The following GPHN variants were observed in gnomAD, a reference collection of about 807,000 sequenced individuals.
GPHN encodes gephyrin.
Under a neutral mutation model 95.5 loss-of-function variants are expected in GPHN, and 17 were observed. That is an observed-to-expected ratio of 0.18 (90% CI 0.12 to 0.27). The LOEUF is 0.27. Among genes scored for constraint, GPHN ranks in the 10% least tolerant of loss-of-function variants. GPHN has a pLI of 1.00. For synonymous variants in GPHN, 320 were observed against 322.5 expected, an observed-to-expected ratio of 0.99 and a Z score of 0.08; for missense variants, 660 against 978.1, an observed-to-expected ratio of 0.67 and a Z score of 4.34.
chr14:66,975,809 C>A (rs1228825617), intron 9 of GPHN, among the ~76,000 whole-genome samples: 1 of 152,094 alleles, frequency 6.6e-6, no homozygotes, highest in Non-Finnish European at 1.5e-5. Flanking sequence ...GCGGTTAAGG[C>A]TGCAGTGAGC....
intron 1 of GPHN, among the ~76,000 whole-genome samples, chr14:66,653,284 C>G (rs1000197282): frequency 1.3e-5 from 2 of 152,072 alleles, no homozygotes; most frequent in Admixed American, 1.3e-4. Flanking sequence ...AGTCAGCCAT[C>G]CTGCTCCATA....
At chr14:66,780,683 T>C (rs1212476979) in intron 3 of GPHN, among the ~76,000 whole-genome samples, 2 of 152,154 alleles carry the variant, frequency 1.3e-5, no homozygotes, top group South Asian at 2.1e-4. Context: ...GTTTGAGGCC[T>C]GAGGCATTAA....
intron 2 of GPHN, among the ~76,000 whole-genome samples, chr14:66,750,282 A>T (rs1039485077): frequency 2.0e-5 from 3 of 151,508 alleles, no homozygotes; most frequent in African/African-American, 4.8e-5. Context: ...GTTTAGATTC[A>T]TTTTTTTTGC....
chr14:67,571,428 G>T, the GPHN span: 2 of 249,156 alleles, frequency 8.0e-6, no homozygotes, highest in South Asian at 1.0e-4. Context: ...TTTAAAGCTC[G>T]CATGGCACAC....
chr14:67,515,239 C>A, the GPHN span: 2 of 152,786 alleles, frequency 1.3e-5, no homozygotes, highest in African/African-American at 2.4e-5. Context: ...CTCCCCGCCC[C>A]CAAGCCCGGC....
At chr14:66,517,288 A>G (rs1412209830) in intron 1 of GPHN, among the ~76,000 whole-genome samples, 1 of 152,168 alleles carries the variant, frequency 6.6e-6, no homozygotes, top group Non-Finnish European at 1.5e-5. Context: ...AACTTTAAAA[A>G]TTATGCTTTC....
At chr14:66,548,587 T>A (rs929694199) in intron 1 of GPHN, among the ~76,000 whole-genome samples, 70 of 152,336 alleles carry the variant, frequency 4.6e-4, no homozygotes, top group African/African-American at 1.6e-3. Flanking sequence ...CCCATCTCTC[T>A]CGCTGTCTCC....
At chr14:66,602,938 T>C (rs909697086) in intron 1 of GPHN, among the ~76,000 whole-genome samples, 3 of 151,906 alleles carry the variant, frequency 2.0e-5, no homozygotes, top group Non-Finnish European at 4.4e-5. Context: ...CAACATTTGC[T>C]CTTGGTCAAG....
At chr14:67,198,153 G>T in the GPHN span, 1 of 1,608,436 alleles carries the variant, frequency 6.2e-7, no homozygotes, top group Admixed American at 1.7e-5. Context: ...ATGTTTATGT[G>T]CAAGCGCAAT....
the GPHN span, among the ~76,000 whole-genome samples, chr14:67,693,540 C>T: frequency 1.3e-5 from 2 of 151,328 alleles, no homozygotes; most frequent in South Asian, 2.1e-4. Context: ...CACCCACACG[C>T]ATGCACATAC....
intron 8 of GPHN, among the ~76,000 whole-genome samples, chr14:66,961,333 C>A (rs542358134): frequency 1.1e-4 from 16 of 152,100 alleles, no homozygotes; most frequent in African/African-American, 3.6e-4. Flanking sequence ...CTCTACTCTG[C>A]TGTTTTCACT....
At chr14:67,003,423 T>C (rs1169365412) in intron 9 of GPHN, among the ~76,000 whole-genome samples, 1 of 151,704 alleles carries the variant, frequency 6.6e-6, no homozygotes, top group East Asian at 1.9e-4. Flanking sequence ...AATTGTAACA[T>C]TATTTCTTAG....
chr14:67,292,666 A>G, the GPHN span: 1 of 1,613,806 alleles, frequency 6.2e-7, no homozygotes, highest in Middle Eastern at 1.7e-4. Flanking sequence ...ACACATGAAC[A>G]AGGCCAGTCC....
chr14:67,171,501 T>G (rs1002071911), intron 21 of GPHN, among the ~76,000 whole-genome samples: 1 of 152,098 alleles, frequency 6.6e-6, no homozygotes, highest in African/African-American at 2.4e-5. Context: ...ATTAAAGCAC[T>G]CTACCACCCT....
intron 21 of GPHN, among the ~76,000 whole-genome samples, chr14:67,172,322 C>T (rs1298705497): frequency 1.3e-5 from 2 of 152,146 alleles, no homozygotes; most frequent in East Asian, 3.9e-4. Context: ...ATCTTGGCTG[C>T]TCAGAGCAGT....
intron 2 of GPHN, among the ~76,000 whole-genome samples, chr14:66,725,553 G>A (rs1162080795): frequency 2.6e-5 from 4 of 151,982 alleles, no homozygotes; most frequent in South Asian, 2.1e-4. Context: ...GCACAATCTC[G>A]GCTCACTGAA....
At chr14:66,587,698 C>G (rs977561755) in intron 1 of GPHN, among the ~76,000 whole-genome samples, 12 of 152,144 alleles carry the variant, frequency 7.9e-5, no homozygotes, top group African/African-American at 2.9e-4. Context: ...TTATATTAGT[C>G]CATTCTGACA....
chr14:67,525,893 T>C, the GPHN span, among the ~76,000 whole-genome samples: 1 of 152,158 alleles, frequency 6.6e-6, no homozygotes, highest in Non-Finnish European at 1.5e-5. Flanking sequence ...ATCAAACCAT[T>C]CCAGAAGCCA....
At chr14:66,894,970 A>G (rs978582520) in intron 5 of GPHN, among the ~76,000 whole-genome samples, 1 of 152,230 alleles carries the variant, frequency 6.6e-6, no homozygotes, top group African/African-American at 2.4e-5. Context: ...AGGATCTAGA[A>G]CTAGAAATAC....
Sources: allele counts gnomAD v4.1 joint callset (sites outside exome capture counted in the v4.1 genomes callset), GRCh38; gene constraint gnomAD v4.1.1; transcripts MANE v1.5; gene names NCBI Gene and HGNC (gene_info 2026-07-23, HGNC 2026-07-21).